The following CSMD1 variants were observed in gnomAD, a reference collection of about 807,000 sequenced individuals.
The protein encoded by CSMD1 is CUB and Sushi multiple domains 1, also known as CUB and sushi domain-containing protein 1.
A neutral mutation model predicts 417.5 loss-of-function variants in CSMD1; 213 were observed. The ratio of observed to expected loss-of-function variants is 0.51; its 90% CI spans 0.46 to 0.57. The LOEUF is 0.57. CSMD1 is among the 20% of genes least tolerant of loss of function. The probability of loss-of-function intolerance (pLI) is 0.00; values close to 1 mark genes in which losing one functional copy is unlikely to be tolerated. For synonymous variants in CSMD1, 2,862 were observed against 1,736.8 expected, an observed-to-expected ratio of 1.65 and a Z score of -16.11; for missense variants, 6,923 against 4,529.7, an observed-to-expected ratio of 1.53 and a Z score of -15.17.
intron 52 of CSMD1, among the ~76,000 whole-genome samples, chr8:3,008,543 G>T (rs1327177967): frequency 6.6e-6 from 1 of 152,172 alleles, no homozygotes; most frequent in Non-Finnish European, 1.5e-5. Context: ...GAGAACAAAA[G>T]GTTGTTTTGT....
At chr8:3,409,389 C>A in intron 13 of CSMD1, 34 bp downstream of exon 13, 2 of 1,569,338 alleles carry the variant, frequency 1.3e-6, no homozygotes, top group Non-Finnish European at 1.7e-6. Context: ...CCTTGCAGGA[C>A]AGGAGGGAGT....
At position 4,083,823 on chromosome 8, in the gene CSMD1, A is replaced by G. The variant is rs1800275279; in HGVS notation, c.416-51724T>C. Among the ~76,000 whole-genome samples the G allele has an allele frequency of 2.6e-5, 4 of 152,204 alleles. No individual in the cohort carries two copies. The South Asian group carries it at 8.3e-4, about 32-fold the overall frequency. On this transcript the variant is annotated intron_variant, in intron 3 of 69. Transcript: ENST00000635120. ...ATAACACCAAAAGCAATGGCAACAA[A>G]AGCCAAAATTGACAAATGGGATCTA...
intron 3 of CSMD1, among the ~76,000 whole-genome samples, chr8:4,112,438 T>C (rs2130914092): frequency 6.6e-6 from 1 of 152,244 alleles, no homozygotes; most frequent in Admixed American, 6.5e-5. Flanking sequence ...TAAAAGAGGA[T>C]GTGTTCCCTC....
intron 2 of CSMD1, among the ~76,000 whole-genome samples, chr8:4,485,631 TG>T (rs1801336884): frequency 2.0e-5 from 3 of 152,288 alleles, no homozygotes; most frequent in Middle Eastern, 3.4e-3. Context: ...CTATTAAAAT[TG>T]ATCTTGTATG....
At chr8:4,080,341 G>C (rs1007460056) in intron 3 of CSMD1, among the ~76,000 whole-genome samples, 1 of 150,506 alleles carries the variant, frequency 6.6e-6, no homozygotes, top group Non-Finnish European at 1.5e-5. Flanking sequence ...TACTTCACAA[G>C]TGAAAGGTGA....
At chr8:3,497,243 G>C (rs879309554) in intron 10 of CSMD1, among the ~76,000 whole-genome samples, 3 of 152,098 alleles carry the variant, frequency 2.0e-5, no homozygotes, top group Non-Finnish European at 4.4e-5. Context: ...AGAGTAGCAG[G>C]ATGTTCAAGT....
At chr8:4,154,420 G>A (rs777955427) in intron 3 of CSMD1, among the ~76,000 whole-genome samples, 18 of 152,190 alleles carry the variant, frequency 1.2e-4, no homozygotes, top group Admixed American at 2.0e-4. Context: ...GCATTTAGCA[G>A]ATGCCACTTT....
At chr8:3,415,634 A>T (rs1255252007) in intron 12 of CSMD1, among the ~76,000 whole-genome samples, 1 of 152,212 alleles carries the variant, frequency 6.6e-6, no homozygotes, top group Non-Finnish European at 1.5e-5. Flanking sequence ...GGCTGCGATT[A>T]CAGGCGTGAG....
chr8:3,220,685 G>A (rs1017780193), intron 28 of CSMD1, among the ~76,000 whole-genome samples: 4 of 152,112 alleles, frequency 2.6e-5, no homozygotes, highest in African/African-American at 9.7e-5. Flanking sequence ...ACAAAAATTA[G>A]CAGAGCATGG....
chr8:3,884,258 C>A (rs923608508), intron 5 of CSMD1, among the ~76,000 whole-genome samples: 1 of 152,152 alleles, frequency 6.6e-6, no homozygotes, highest in Non-Finnish European at 1.5e-5. Flanking sequence ...GCAAGTCTAA[C>A]CTGTCTTCAA....
intron 1 of CSMD1, among the ~76,000 whole-genome samples, chr8:4,651,698 T>C (rs1473075443): frequency 6.6e-6 from 1 of 152,210 alleles, no homozygotes; most frequent in Non-Finnish European, 1.5e-5. Flanking sequence ...TCTGTCATTA[T>C]TATTTCAACA....
chr8:3,106,817 A>T (rs1438144786), intron 45 of CSMD1, 176 bp from the exon 46 acceptor site: 2 of 486,958 alleles, frequency 4.1e-6, no homozygotes, highest in African/African-American at 3.9e-5. Context: ...TTCTTAATTT[A>T]TAAAAATGCT....
At chr8:4,938,471 A>C (rs1442389320) in intron 1 of CSMD1, among the ~76,000 whole-genome samples, 3 of 152,206 alleles carry the variant, frequency 2.0e-5, no homozygotes, top group Non-Finnish European at 4.4e-5. Context: ...AAACATTTTC[A>C]CAAATGGTTT....
At chr8:4,402,431 G>C (rs1237692079) in intron 3 of CSMD1, among the ~76,000 whole-genome samples, 7 of 152,088 alleles carry the variant, frequency 4.6e-5, no homozygotes, top group African/African-American at 7.2e-5. Context: ...CTGCAGCTGA[G>C]AGTGACTGGA....
intron 5 of CSMD1, among the ~76,000 whole-genome samples, chr8:3,865,688 G>C (rs1037430766): frequency 2.0e-5 from 3 of 152,070 alleles, no homozygotes; most frequent in African/African-American, 7.2e-5. Context: ...ACTGTTCTAG[G>C]TTCCAACGGA....
intron 10 of CSMD1, among the ~76,000 whole-genome samples, chr8:3,532,450 C>T (rs1233938279): frequency 6.6e-6 from 1 of 152,182 alleles, no homozygotes; most frequent in African/African-American, 2.4e-5. Context: ...CTTCCTAAAA[C>T]AGCTGTGTCT....
intron 1 of CSMD1, among the ~76,000 whole-genome samples, chr8:4,686,899 T>G (rs980917132): frequency 6.6e-6 from 1 of 151,456 alleles, no homozygotes; most frequent in Non-Finnish European, 1.5e-5. Flanking sequence ...CAGACAGAGG[T>G]GGATTTCCTG....
At chr8:3,269,817 G>C (rs1298951838) in intron 26 of CSMD1, among the ~76,000 whole-genome samples, 2 of 152,180 alleles carry the variant, frequency 1.3e-5, no homozygotes, top group Non-Finnish European at 2.9e-5. Flanking sequence ...ATGTCCTTCT[G>C]TTTTACATGC....
chr8:4,940,486 C>G (rs983795423), intron 1 of CSMD1, among the ~76,000 whole-genome samples: 3 of 152,132 alleles, frequency 2.0e-5, no homozygotes, highest in Non-Finnish European at 4.4e-5. Context: ...TCTGTGTCCC[C>G]ACTTTGTTTG....
Sources: gnomAD v4.1 joint callset for allele counts (sites outside exome capture counted in the v4.1 genomes callset) on GRCh38, gnomAD v4.1.1 for gene constraint, MANE v1.5 for transcripts, NCBI Gene and HGNC (gene_info 2026-07-23, HGNC 2026-07-21) for gene names.